LRIG2: variants seen among roughly 807,000 people sequenced by gnomAD.
LRIG2 encodes the protein leucine-rich repeats and immunoglobulin-like domains protein 2.
Under a neutral mutation model 107.8 loss-of-function variants are expected in LRIG2, and 93 were observed. The observed-to-expected ratio is 0.86, with a 90% confidence interval of 0.73 to 1.03. The LOEUF is 1.03. LRIG2 is among the 50% of genes least tolerant of loss of function. LRIG2 has a pLI of 0.00. For missense variants in LRIG2, 1,226 were observed against 1,296.0 expected (o/e 0.95, Z 0.83); for synonymous variants, 471 against 470.6 (o/e 1.00, Z -0.01).
chr1:113,111,515 A>T (rs999442467), intron 13 of LRIG2, among the ~76,000 whole-genome samples: 1 of 151,794 alleles, frequency 6.6e-6, no homozygotes, highest in Admixed American at 6.6e-5. Context: ...CCATGATACC[A>T]CTCTGTATGC....
Position 113,080,582 on chromosome 1 carries a change from G to T in LRIG2, c.239+6937G>T, listed in dbSNP as rs1653224807. On this transcript the variant is annotated intron_variant, in intron 1 of 17. Coordinates refer to ENST00000361127, the MANE Select transcript of LRIG2 (RefSeq NM_014813.3). The stretch of plus-strand genomic sequence containing the variant: ...TTTCAGTAGGACGTGGTTTCACCGT[G>T]TTAGCCAGGATGGTCTTGGTCTCCT... 2.6e-5 allele frequency among the ~76,000 whole-genome samples: 4 copies of T among 151,454 alleles called. No individual in the cohort carries two copies. The South Asian group carries it at 8.3e-4, about 31-fold the overall frequency.
intron 1 of LRIG2, among the ~76,000 whole-genome samples, chr1:113,085,787 A>G (rs1238100102): frequency 1.3e-5 from 2 of 152,196 alleles, no homozygotes; most frequent in Non-Finnish European, 2.9e-5. Flanking sequence ...AAAGTTAAGT[A>G]GCCTGTTACA....
intron 1 of LRIG2, among the ~76,000 whole-genome samples, chr1:113,089,788 G>A (rs1458347177): frequency 7.0e-6 from 1 of 142,544 alleles, no homozygotes; most frequent in South Asian, 2.3e-4. Flanking sequence ...CGCCTCAAGG[G>A]TTCAAGTGAT....
At chr1:113,100,124 T>C in intron 9 of LRIG2, 87 bp from the exon 10 acceptor site, 5 of 739,804 alleles carry the variant, frequency 6.8e-6, no homozygotes, top group Non-Finnish European at 8.7e-6. Flanking sequence ...TACGCTACGC[T>C]TATTTTCACT....
chr1:113,120,567 A>G (rs1377629767), intron 17 of LRIG2, among the ~76,000 whole-genome samples: 1 of 149,024 alleles, frequency 6.7e-6, no homozygotes, highest in South Asian at 2.1e-4. Flanking sequence ...CTGGAGTGCA[A>G]TGATGCCATC....
At position 113,074,945 on chromosome 1, in the gene LRIG2, C is replaced by T. The variant is rs565525107; in HGVS notation, c.239+1300C>T. Among the ~76,000 whole-genome samples, 45 of 151,162 alleles carry T rather than the reference C, an allele frequency of 3.0e-4. 1 individual carries two copies. The East Asian group carries it at 6.5e-3, about 22-fold the overall frequency. Reference sequence around the variant, plus strand: ...GTCGGGGAGGAAGAGGGGCCGGGTGCGGTGGCTCACGCTTGTAATCCCAGC... The same window carrying T: ...GTCGGGGAGGAAGAGGGGCCGGGTGTGGTGGCTCACGCTTGTAATCCCAGC... On this transcript the variant is annotated intron_variant, in intron 1 of 17. Coordinates refer to ENST00000361127, the MANE Select transcript of LRIG2 (RefSeq NM_014813.3).
chr1:113,128,578 T>G lies in LRIG2; in HGVS notation c.*4477T>G, dbSNP rs1182827434. ...TTAATAAAAAGCTGCTTTGGTGACA[T>G]TTGTTCGAGTAGAACAAGAGTGATG... On this transcript the variant is annotated 3_prime_UTR_variant, in exon 18 of 18. Transcript: ENST00000361127. The G allele has an allele frequency of 6.6e-6, 1 of 152,222 alleles. No homozygotes were observed. The highest frequency in any genetic ancestry group is 2.4e-5 in the African/African-American group (1 of 41,444). 9.4% of individuals were successfully genotyped at this position (152,222 alleles called of 1,614,324 possible).
In LRIG2 at chr1:113,094,501, G is replaced by A. The variant is rs761937690; in HGVS notation, c.659+19G>A. 3.1e-5 allele frequency: 49 copies of A among 1,590,602 alleles called. No homozygotes were observed. Among genetic ancestry groups the A allele is most frequent in the South Asian group, 4.7e-5 (4 of 85,172 alleles). On this transcript the variant is annotated intron_variant, in intron 5 of 17. Transcript: ENST00000361127. The stretch of plus-strand genomic sequence containing the variant: ...AATTCTTGTGAGTAACGAAATAGAC[G>A]GATTATAAGAAGATAGTTTTTTCTT...
intron 1 of LRIG2, among the ~76,000 whole-genome samples, chr1:113,082,961 T>A (rs993662114): frequency 1.4e-5 from 2 of 147,024 alleles, no homozygotes; most frequent in African/African-American, 5.0e-5. Context: ...CAGGCTGGAG[T>A]TCAGTGTTGC....
intron 12 of LRIG2, among the ~76,000 whole-genome samples, chr1:113,108,602 C>A (rs1293745852): frequency 6.6e-6 from 1 of 151,802 alleles, no homozygotes; most frequent in Non-Finnish European, 1.5e-5. Context: ...TTAGGCCGGG[C>A]ACTGTGGCTC....
At chr1:113,111,119 C>T (rs1654757543) in intron 13 of LRIG2, among the ~76,000 whole-genome samples, 1 of 152,082 alleles carries the variant, frequency 6.6e-6, no homozygotes, top group South Asian at 2.1e-4. Context: ...ACTGCAAATT[C>T]CGCCTCCCAG....
intron 2 of LRIG2, 89 bp downstream of exon 2, chr1:113,091,472 C>T: frequency 1.3e-6 from 1 of 770,344 alleles, no homozygotes; most frequent in Non-Finnish European, 2.0e-6. Flanking sequence ...TCCAGAGATG[C>T]CATAAAAAAA....
At chr1:113,109,428 A>T (rs1654676863) in intron 12 of LRIG2, among the ~76,000 whole-genome samples, 1 of 152,252 alleles carries the variant, frequency 6.6e-6, no homozygotes, top group South Asian at 2.1e-4. Context: ...AATGCTTTCA[A>T]ATAATTTGTT....
intron 2 of LRIG2, 21 bp from the exon 3 acceptor site, chr1:113,093,185 T>C (rs1443696129): frequency 6.7e-7 from 1 of 1,498,540 alleles, no homozygotes; most frequent in African/African-American, 1.4e-5. Context: ...AACATTTAAA[T>C]CTGTTTTTCC....
Position 113,114,774 on chromosome 1 carries a change from AT to A in LRIG2, c.2429del (p.Ile810ThrfsTer13). ...DDGWTTVGIV[I>X]IVVVCCVVGT... ...TGGCTGGACCACAGTTGGCATTGTC[AT>A]CATTGTTGTGGTCTGCTGTGTTGTT... On this transcript the variant is annotated frameshift_variant, in exon 15 of 18. Coordinates refer to ENST00000361127, the MANE Select transcript of LRIG2 (RefSeq NM_014813.3). LOFTEE classifies it high-confidence loss of function. 1 of 1,614,146 alleles carries A rather than the reference AT, an allele frequency of 6.2e-7. No individual in the cohort carries two copies. The highest frequency in any genetic ancestry group is 8.5e-7 in the Non-Finnish European group (1 of 1,180,024).
chr1:113,124,246 G>A lies in LRIG2; in HGVS notation c.*145G>A, dbSNP rs143701113. The A allele has an allele frequency of 1.4e-5, 10 of 702,502 alleles. No homozygotes were observed. The highest frequency in any genetic ancestry group is 7.1e-5 in the African/African-American group (4 of 56,130). 43.5% of individuals were successfully genotyped at this position (702,502 alleles called of 1,614,324 possible). A position where few individuals can be genotyped will look rare whatever the true frequency, so the allele number is the denominator to read the frequency against. On this transcript the variant is annotated 3_prime_UTR_variant, in exon 18 of 18. Coordinates refer to ENST00000361127, the MANE Select transcript of LRIG2 (RefSeq NM_014813.3). ...CTGACCGCACCAAGGTGGGCCATGC[G>A]TTGTTTGGTCTTATACCTGATGAAG...
intron 1 of LRIG2, among the ~76,000 whole-genome samples, chr1:113,086,012 T>G (rs1419247704): frequency 1.4e-5 from 2 of 146,398 alleles, no homozygotes; most frequent in African/African-American, 5.1e-5. Flanking sequence ...TTTTTTTTTT[T>G]TTTTTTTTTT....
chr1:113,073,916 C>T (rs1415056508), intron 1 of LRIG2, among the ~76,000 whole-genome samples: 1 of 143,038 alleles, frequency 7.0e-6, no homozygotes, highest in Non-Finnish European at 1.5e-5. Flanking sequence ...GGAAATGGGG[C>T]GGGCATATTT....
intron 3 of LRIG2, 42 bp downstream of exon 3, chr1:113,093,322 A>T (rs1337222549): frequency 6.4e-7 from 1 of 1,554,710 alleles, no homozygotes; most frequent in East Asian, 2.3e-5. Context: ...AAATTATGAA[A>T]AGTATACATT....
Sources: gnomAD v4.1 joint callset for allele counts (sites outside exome capture counted in the v4.1 genomes callset) on GRCh38, gnomAD v4.1.1 for gene constraint, MANE v1.5 for transcripts, NCBI Gene and HGNC (gene_info 2026-07-23, HGNC 2026-07-21) for gene names.